The following HPSE2 variants were observed in gnomAD, a reference collection of about 807,000 sequenced individuals.
HPSE2 encodes the protein heparanase 2 (inactive).
HPSE2 carries 38 observed loss-of-function variants against 60.5 expected under a neutral mutation model. That is an observed-to-expected ratio of 0.63 (90% CI 0.48 to 0.82). The LOEUF (loss-of-function observed/expected upper bound fraction) is 0.82, where lower values mean the gene tolerates loss of function less well. HPSE2 is among the 40% of genes least tolerant of loss of function. The probability of loss-of-function intolerance (pLI) is 0.00; values close to 1 mark genes in which losing one functional copy is unlikely to be tolerated. For missense variants in HPSE2, 713 were observed against 740.4 expected (o/e 0.96, Z 0.43); for synonymous variants, 295 against 293.2 (o/e 1.01, Z -0.06).
chr10:98,527,353 G>A (rs182345957), intron 9 of HPSE2, among the ~76,000 whole-genome samples: 2 of 152,066 alleles, frequency 1.3e-5, no homozygotes, highest in Admixed American at 6.6e-5. Flanking sequence ...ATGGTGATCC[G>A]CACACTCTGC....
intron 9 of HPSE2, among the ~76,000 whole-genome samples, chr10:98,579,221 T>A (rs1944724823): frequency 1.3e-5 from 2 of 152,140 alleles, no homozygotes; most frequent in Non-Finnish European, 2.9e-5. Flanking sequence ...ACTTGAAGGA[T>A]CAGCTCTTCA....
intron 3 of HPSE2, among the ~76,000 whole-genome samples, chr10:98,780,754 TAAAAC>T (rs969970413): frequency 7.2e-5 from 11 of 152,240 alleles, no homozygotes; most frequent in African/African-American, 2.6e-4. Context: ...AAATAGATCT[TAAAAC>T]AGAGCAAAAC....
intron 3 of HPSE2, among the ~76,000 whole-genome samples, chr10:98,745,706 AAT>A (rs1431978852): frequency 2.0e-5 from 3 of 152,224 alleles, no homozygotes; most frequent in Non-Finnish European, 4.4e-5. Flanking sequence ...AGGTATGGAT[AAT>A]ATGACTTCAG....
intron 3 of HPSE2, among the ~76,000 whole-genome samples, chr10:98,932,517 T>C (rs1954668490): frequency 6.9e-6 from 1 of 143,910 alleles, no homozygotes. Flanking sequence ...TCCTTCACAA[T>C]TGTTTGGAAT....
At chr10:99,307,269 A>G in the HPSE2 span, among the ~76,000 whole-genome samples, 1 of 152,198 alleles carries the variant, frequency 6.6e-6, no homozygotes, top group Admixed American at 6.5e-5. Context: ...GCCCTGGGTC[A>G]TATGTCTCGA....
At chr10:98,531,726 GA>G (rs1021674697) in intron 9 of HPSE2, among the ~76,000 whole-genome samples, 1 of 151,992 alleles carries the variant, frequency 6.6e-6, no homozygotes, top group Non-Finnish European at 1.5e-5. Flanking sequence ...TGTGACATAA[GA>G]AAGACAGTAG....
the HPSE2 span, among the ~76,000 whole-genome samples, chr10:99,248,722 C>T: frequency 6.6e-6 from 1 of 152,300 alleles, no homozygotes; most frequent in Admixed American, 6.5e-5. Context: ...TGTGGCAGCC[C>T]CTCCCCTCAC....
intron 9 of HPSE2, among the ~76,000 whole-genome samples, chr10:98,503,420 T>G (rs1256199630): frequency 6.6e-6 from 1 of 152,120 alleles, no homozygotes. Flanking sequence ...CTGGTGGGAA[T>G]GTAAACTAGT....
At chr10:99,291,973 T>C in the HPSE2 span, among the ~76,000 whole-genome samples, 1 of 152,112 alleles carries the variant, frequency 6.6e-6, no homozygotes, top group Non-Finnish European at 1.5e-5. Context: ...GATTCTTCCA[T>C]TCAGTTTTTG....
rs145014112 is a variant in HPSE2, at chr10:98,810,809, T to A, written c.611-66753A>T. Among the ~76,000 whole-genome samples, 235 of 152,282 alleles carry A rather than the reference T, an allele frequency of 1.5e-3. 4 individuals carry two copies. The highest frequency in any genetic ancestry group is 5.4e-3 in the African/African-American group (224 of 41,574). ...AATCACACACAAAAATATCTCTTGT[T>A]TAAGAAACTTTACAAATTTGTGTTG... is the stretch of plus-strand genomic sequence containing the variant. On this transcript the variant is annotated intron_variant, in intron 3 of 11. Coordinates refer to ENST00000370552, the MANE Select transcript of HPSE2 (RefSeq NM_021828.5).
At chr10:98,972,956 G>A (rs1033938953) in intron 3 of HPSE2, among the ~76,000 whole-genome samples, 1 of 152,112 alleles carries the variant, frequency 6.6e-6, no homozygotes, top group Admixed American at 6.5e-5. Context: ...GGATACAGAT[G>A]ACCAGGTTTT....
At chr10:98,973,074 G>C (rs1955998164) in intron 3 of HPSE2, among the ~76,000 whole-genome samples, 1 of 152,078 alleles carries the variant, frequency 6.6e-6, no homozygotes, top group Non-Finnish European at 1.5e-5. Context: ...CAAAATCACT[G>C]TTCTTACAAG....
chr10:99,153,103 G>A (rs975520431), intron 2 of HPSE2, among the ~76,000 whole-genome samples: 8 of 152,212 alleles, frequency 5.3e-5, no homozygotes, highest in African/African-American at 9.7e-5. Context: ...AGGGTCCTAC[G>A]CCCACGGAGT....
chr10:99,165,704 G>GC (rs1392385518), intron 2 of HPSE2, among the ~76,000 whole-genome samples: 1 of 151,778 alleles, frequency 6.6e-6, no homozygotes, highest in Non-Finnish European at 1.5e-5. Context: ...GTGTCACCAT[G>GC]CCCCGCTAAT....
At chr10:98,802,805 G>C (rs549840734) in intron 3 of HPSE2, among the ~76,000 whole-genome samples, 8 of 140,676 alleles carry the variant, frequency 5.7e-5, no homozygotes, top group Non-Finnish European at 4.6e-5. Flanking sequence ...CTTTATAGCA[G>C]CATGATTTAT....
chr10:98,917,605 T>C (rs1954156757), intron 3 of HPSE2, among the ~76,000 whole-genome samples: 3 of 152,196 alleles, frequency 2.0e-5, no homozygotes, highest in Admixed American at 2.0e-4. Context: ...CAGAGAGCTG[T>C]TCTGACATTT....
chr10:98,713,113 C>T (rs1948713275), intron 5 of HPSE2, among the ~76,000 whole-genome samples: 1 of 151,902 alleles, frequency 6.6e-6, no homozygotes, highest in Admixed American at 6.6e-5. Flanking sequence ...TAGCATGGTA[C>T]TAGCTTAGCA....
chr10:99,043,476 G>C (rs1957788663), intron 3 of HPSE2, among the ~76,000 whole-genome samples: 1 of 152,146 alleles, frequency 6.6e-6, no homozygotes, highest in African/African-American at 2.4e-5. Context: ...GGGCGACAGA[G>C]TGAGACTCCA....
At chr10:98,600,929 A>ATATATATATATAATG (rs1945404950) in intron 9 of HPSE2, among the ~76,000 whole-genome samples, 1 of 70,548 alleles carries the variant, frequency 1.4e-5, no homozygotes, top group South Asian at 7.2e-4. Context: ...ATATATATAT[A>ATATATATATATAATG]TATATATATA....
Sources: allele counts gnomAD v4.1 joint callset (sites outside exome capture counted in the v4.1 genomes callset), GRCh38; gene constraint gnomAD v4.1.1; transcripts MANE v1.5; gene names NCBI Gene and HGNC (gene_info 2026-07-23, HGNC 2026-07-21).